KIAA1217: variants seen among roughly 807,000 people sequenced by gnomAD.
KIAA1217 encodes sickle tail protein homolog.
KIAA1217 carries 88 observed loss-of-function variants against 163.9 expected under a neutral mutation model. The ratio of observed to expected loss-of-function variants is 0.54; its 90% CI spans 0.45 to 0.64. KIAA1217 has a LOEUF of 0.64. Among genes scored for constraint, KIAA1217 ranks in the 30% least tolerant of loss-of-function variants. The pLI is 0.00. For synonymous variants in KIAA1217, 903 were observed against 923.1 expected, an observed-to-expected ratio of 0.98 and a Z score of 0.39; for missense variants, 2,372 against 2,475.0, an observed-to-expected ratio of 0.96 and a Z score of 0.88.
At chr10:24,432,116 T>C (rs2059646437) in intron 3 of KIAA1217, among the ~76,000 whole-genome samples, 1 of 141,616 alleles carries the variant, frequency 7.1e-6, no homozygotes, top group Non-Finnish European at 1.5e-5. Flanking sequence ...TTAAGTATCG[T>C]CCTTTTTTTT....
chr10:24,345,789 A>G (rs2047668408), intron 2 of KIAA1217, among the ~76,000 whole-genome samples: 1 of 152,136 alleles, frequency 6.6e-6, no homozygotes, highest in Admixed American at 6.5e-5. Flanking sequence ...ACTATCGGCA[A>G]CTTTACGATT....
chr10:24,024,170 T>A (rs1847850380), intron 2 of KIAA1217, among the ~76,000 whole-genome samples: 1 of 151,666 alleles, frequency 6.6e-6, no homozygotes, highest in African/African-American at 2.4e-5. Context: ...AATAATAAAT[T>A]CACAAATGTT....
At chr10:24,250,304 A>T (rs1038824349) in intron 2 of KIAA1217, among the ~76,000 whole-genome samples, 1 of 152,148 alleles carries the variant, frequency 6.6e-6, no homozygotes, top group African/African-American at 2.4e-5. Context: ...TGGTTCATAG[A>T]ACTTGGTTCA....
chr10:24,191,484 GC>G (rs1009461102), intron 2 of KIAA1217, among the ~76,000 whole-genome samples: 7 of 151,910 alleles, frequency 4.6e-5, no homozygotes, highest in Non-Finnish European at 8.8e-5. Flanking sequence ...GATAAATGGT[GC>G]CCCCCTTCTC....
chr10:24,005,903 T>G (rs550373271), intron 1 of KIAA1217, among the ~76,000 whole-genome samples: 1 of 152,268 alleles, frequency 6.6e-6, no homozygotes, highest in African/African-American at 2.4e-5. Flanking sequence ...GAATATAGAT[T>G]AGCAGAGCTG....
chr10:24,327,890 A>ATT (rs34635772), intron 2 of KIAA1217, among the ~76,000 whole-genome samples: 7,168 of 152,296 alleles, frequency 0.047, 410 homozygotes, highest in East Asian at 0.27. Flanking sequence ...TCTAGAGAGC[A>ATT]TTATCATTAA....
At chr10:24,430,997 GA>G (rs1564665206) in intron 3 of KIAA1217, among the ~76,000 whole-genome samples, 1 of 152,214 alleles carries the variant, frequency 6.6e-6, no homozygotes, top group African/African-American at 2.4e-5. Flanking sequence ...TCTACCTTCA[GA>G]AGGGTTGGGA....
intron 3 of KIAA1217, among the ~76,000 whole-genome samples, chr10:24,408,983 G>A (rs1591690144): frequency 6.6e-6 from 1 of 152,206 alleles, no homozygotes; most frequent in East Asian, 1.9e-4. Context: ...CTAGTATGGT[G>A]CCTGCACATA....
intron 1 of KIAA1217, among the ~76,000 whole-genome samples, chr10:23,945,130 A>T (rs956408648): frequency 1.3e-5 from 2 of 151,972 alleles, no homozygotes; most frequent in Non-Finnish European, 2.9e-5. Flanking sequence ...ATTTGACAAC[A>T]ACACACACAC....
intron 3 of KIAA1217, among the ~76,000 whole-genome samples, chr10:24,419,521 C>T (rs2058559980): frequency 6.6e-6 from 1 of 152,134 alleles, no homozygotes; most frequent in African/African-American, 2.4e-5. Flanking sequence ...CAGTGGTCCT[C>T]ATCTGTGAGA....
intron 1 of KIAA1217, among the ~76,000 whole-genome samples, chr10:23,819,609 G>A (rs1837525179): frequency 6.6e-6 from 1 of 152,140 alleles, no homozygotes; most frequent in Admixed American, 6.5e-5. Context: ...AAAATAGTAT[G>A]CAAACACTTA....
intron 1 of KIAA1217, among the ~76,000 whole-genome samples, chr10:23,742,692 T>G (rs1343129943): frequency 6.6e-6 from 1 of 152,156 alleles, no homozygotes; most frequent in East Asian, 1.9e-4. Flanking sequence ...TCCACCCTCA[T>G]GACAAAAACA....
At chr10:24,246,090 A>G (rs1812198461) in intron 2 of KIAA1217, among the ~76,000 whole-genome samples, 1 of 152,122 alleles carries the variant, frequency 6.6e-6, no homozygotes, top group Admixed American at 6.5e-5. Context: ...TCTTTAACTT[A>G]TTATTTGCAT....
rs149695072 is a variant in KIAA1217, at chr10:24,219,867, C to T, written c.312C>T (p.His104=). The change falls in exon 2 of 21, where the codon CAC becomes CAT. Residue 104 remains histidine (H), a synonymous_variant. Coordinates refer to ENST00000376454, the MANE Select transcript of KIAA1217 (RefSeq NM_019590.5). Reference sequence around the variant, plus strand: ...ATCTGAAGCAGAAGTACCCCCACCACGCCTCTGCAATCATGGGTCACCAAG... The same window carrying T: ...ATCTGAAGCAGAAGTACCCCCACCATGCCTCTGCAATCATGGGTCACCAAG... ...LEHLKQKYPH[H]ASAIMGHQER... is the part of the protein sequence containing the mutation. The T allele has an allele frequency of 1.5e-4, 242 of 1,612,356 alleles. 1 individual carries two copies. Among genetic ancestry groups the T allele is most frequent in the East Asian group, 2.9e-4 (13 of 44,862 alleles).
intron 17 of KIAA1217, among the ~76,000 whole-genome samples, chr10:24,538,855 T>C (rs2074543006): frequency 6.8e-6 from 1 of 147,546 alleles, no homozygotes; most frequent in African/African-American, 2.5e-5. Flanking sequence ...TGTTTCAGCC[T>C]CTCTAGTAGC....
At chr10:24,285,299 C>A (rs1014670963) in intron 2 of KIAA1217, among the ~76,000 whole-genome samples, 1 of 152,138 alleles carries the variant, frequency 6.6e-6, no homozygotes, top group African/African-American at 2.4e-5. Context: ...AAACTCTTTG[C>A]CTAGGCCAAT....
At chr10:24,426,586 T>C (rs924186846) in intron 3 of KIAA1217, among the ~76,000 whole-genome samples, 3 of 151,972 alleles carry the variant, frequency 2.0e-5, no homozygotes, top group African/African-American at 7.3e-5. Flanking sequence ...GATCGCACCA[T>C]TGCACTCCAG....
intron 2 of KIAA1217, among the ~76,000 whole-genome samples, chr10:24,250,614 GTATTGTT>G (rs1265945649): frequency 3.8e-4 from 26 of 68,610 alleles, no homozygotes; most frequent in South Asian, 8.2e-4. Context: ...TTTTTTTTTT[GTATTGTT>G]AATAGAGACG....
At chr10:24,091,476 C>T (rs1168614514) in intron 2 of KIAA1217, among the ~76,000 whole-genome samples, 10 of 151,796 alleles carry the variant, frequency 6.6e-5, no homozygotes, top group Admixed American at 5.9e-4. Flanking sequence ...GAGTCATTGT[C>T]AAGATCTCTA....
Sources: allele counts gnomAD v4.1 joint callset (sites outside exome capture counted in the v4.1 genomes callset), GRCh38; gene constraint gnomAD v4.1.1; transcripts MANE v1.5; gene names NCBI Gene and HGNC (gene_info 2026-07-23, HGNC 2026-07-21).